The following HSPG2 variants were observed in gnomAD, a reference collection of about 807,000 sequenced individuals.
The protein encoded by HSPG2 is basement membrane-specific heparan sulfate proteoglycan core protein.
Under a neutral mutation model 526.6 loss-of-function variants are expected in HSPG2, and 278 were observed. The ratio of observed to expected loss-of-function variants is 0.53; its 90% confidence interval spans 0.48 to 0.58. The LOEUF (loss-of-function observed/expected upper bound fraction) is 0.58, where lower values mean the gene tolerates loss of function less well. HSPG2 is among the 20% of genes least tolerant of loss of function. HSPG2 has a pLI of 0.00. For missense variants in HSPG2, 5,354 were observed against 6,099.5 expected (o/e 0.88, Z 4.07); for synonymous variants, 2,465 against 2,555.4 (o/e 0.96, Z 1.07).
chr1:21,933,880 C>G (rs1644412735), intron 1 of HSPG2, among the ~76,000 whole-genome samples: 1 of 152,200 alleles, frequency 6.6e-6, no homozygotes, highest in Admixed American at 6.5e-5. Flanking sequence ...TGAGGGACCG[C>G]CAGGAAGGGG....
In HSPG2 at chr1:21,855,806, C is replaced by A. The variant is rs556960916; in HGVS notation, c.5682G>T (p.Thr1894=). 6.2e-7 allele frequency: 1 copy of A among 1,613,204 alleles called. No individual in the cohort carries two copies. Among genetic ancestry groups the A allele is most frequent in the East Asian group, 2.2e-5 (1 of 44,860 alleles). ...CCTCACCTGTCCACTCGAGGGTGGGCGTGGGGCTCCCTGTGGCGCTGCAGC... is the reference window on the plus strand; with the variant it reads ...CCTCACCTGTCCACTCGAGGGTGGGAGTGGGGCTCCCTGTGGCGCTGCAGC... ...EFRCSATGSP[T]PTLEWTGGPG... The change falls in exon 45 of 97, where the codon ACG becomes ACT. Residue 1894 remains threonine, a synonymous_variant. Coordinates refer to ENST00000374695, the MANE Select transcript of HSPG2 (RefSeq NM_005529.7).
In HSPG2 at chr1:21,847,932, G is replaced by A; in HGVS notation, c.7873+26C>T. The stretch of plus-strand genomic sequence containing the variant: ...CTGCCACCCTCTGCGCCACTTGTCT[G>A]TACCCCCTGCCCTCTCTGCTCTCAC... On this transcript the variant is annotated intron_variant, in intron 60 of 96. Coordinates refer to ENST00000374695, the MANE Select transcript of HSPG2 (RefSeq NM_005529.7). This position sits in a 1 kb window ranked among gnomAD's most constrained non-coding sequence, Gnocchi z 4.1. 6.2e-7 allele frequency: 1 copy of A among 1,613,834 alleles called. No individual in the cohort carries two copies. Among genetic ancestry groups the A allele is most frequent in the Non-Finnish European group, 8.5e-7 (1 of 1,180,002 alleles).
chr1:21,912,279 C>T (rs146530925), intron 1 of HSPG2, among the ~76,000 whole-genome samples: 6 of 152,172 alleles, frequency 3.9e-5, no homozygotes, highest in East Asian at 1.9e-4. Flanking sequence ...ACAAGGCTGC[C>T]GTCAGAATTC....
chr1:21,881,519 G>A lies in HSPG2; in HGVS notation c.1655-17C>T. On this transcript the variant is annotated splice_polypyrimidine_tract_variant and intron_variant, in intron 13 of 96. Coordinates refer to ENST00000374695, the MANE Select transcript of HSPG2 (RefSeq NM_005529.7). ...CATTCACACCTGTGGGTGGCAAGGG[G>A]GAGGCTGAGGGCTGCAGCCTGGGCC... 6.2e-7 allele frequency: 1 copy of A among 1,606,574 alleles called. No individual in the cohort carries two copies. The highest frequency in any genetic ancestry group is 8.5e-7 in the Non-Finnish European group (1 of 1,176,218).
At position 21,829,455 on chromosome 1, in the gene HSPG2, C is replaced by G; in HGVS notation, c.11920G>C (p.Gly3974Arg). 1.2e-6 allele frequency: 2 copies of G among 1,613,364 alleles called. No homozygotes were observed. Among genetic ancestry groups the G allele is most frequent in the Non-Finnish European group, 1.7e-6 (2 of 1,179,842 alleles). Reference protein sequence around the residue: ...GVLLFSGGKSGPVEDFVSLAM... With the variant: ...GVLLFSGGKSRPVEDFVSLAM... ...AGGGACACGAAGTCCTCCACAGGCC[C>G]GCTCTTCCCCCCGCTGAACAGCAGG... The change falls in exon 87 of 97, where the codon GGG becomes CGG. Residue 3974 changes from glycine to arginine, a missense_variant. Physicochemically the swap from Gly to Arg is moderately radical, Grantham distance 125. Coordinates refer to ENST00000374695, the MANE Select transcript of HSPG2 (RefSeq NM_005529.7).
Position 21,855,567 on chromosome 1 carries a change from C to T in HSPG2, c.5810G>A (p.Ser1937Asn). ...CCTGGCCACCTGCTGCCCAGCGCTGCTGTGGGCTCGGCACAAGTACTGGGC... is the reference window on the plus strand; with the variant it reads ...CCTGGCCACCTGCTGCCCAGCGCTGTTGTGGGCTCGGCACAAGTACTGGGC... ...DQAQYLCRAHSSAGQQVARAV... is the reference protein window; with the variant it reads ...DQAQYLCRAHNSAGQQVARAV... Residue 1937 changes from serine to asparagine, a missense_variant, in exon 46 of 97, where the codon AGC (serine) becomes AAC (asparagine). By Grantham distance (46) the Ser-to-Asn change is conservative. Transcript: ENST00000374695. 6.2e-7 allele frequency: 1 copy of T among 1,600,116 alleles called. No individual in the cohort carries two copies. The highest frequency in any genetic ancestry group is 8.5e-7 in the Non-Finnish European group (1 of 1,174,924).
Position 21,878,764 on chromosome 1 carries a change from C to G in HSPG2, c.2472-101G>C, listed in dbSNP as rs571507828. The G allele has an allele frequency of 4.0e-6, 5 of 1,261,712 alleles. No homozygotes were observed. The African/African-American group carries it at 5.9e-5, about 15-fold the overall frequency. The allele number at this position is 1,261,712 out of a possible 1,614,324, so 78.2% of individuals were successfully genotyped here. On this transcript the variant is annotated intron_variant, in intron 18 of 96. Transcript: ENST00000374695. ...CTGTCTACACAGACACAGTGTGCCACGAGGCATGACGCCATCTCCCTGCCC... is the reference window on the plus strand; with the variant it reads ...CTGTCTACACAGACACAGTGTGCCAGGAGGCATGACGCCATCTCCCTGCCC...
chr1:21,884,837 A>G lies in HSPG2; in HGVS notation c.1437T>C (p.Cys479=). The change falls in exon 12 of 97, where the codon TGT becomes TGC. Residue 479 remains cysteine, a synonymous_variant. Transcript: ENST00000374695. The stretch of plus-strand genomic sequence containing the variant: ...CCATGCCCCGGGCGTTCATGGCCTC[A>G]CAGGTGTAGGCACCCTGGTCTGACT... ...VKESDQGAYT[C]EAMNARGMVF... The G allele has an allele frequency of 1.2e-6, 2 of 1,613,856 alleles. No individual in the cohort carries two copies. The highest frequency in any genetic ancestry group is 1.7e-6 in the Non-Finnish European group (2 of 1,180,014).
chr1:21,873,809 G>C (rs780534507), intron 29 of HSPG2, 116 bp downstream of exon 29: 14 of 855,664 alleles, frequency 1.6e-5, no homozygotes, highest in Non-Finnish European at 2.4e-5. Context: ...GCCTGTGCGA[G>C]GTTAAGAGCG....
chr1:21,893,464 A>G lies in HSPG2; in HGVS notation c.244+2458T>C, dbSNP rs1007153311. Among the ~76,000 whole-genome samples, 2 of 152,190 alleles carry G rather than the reference A, an allele frequency of 1.3e-5. No homozygotes were observed. Among genetic ancestry groups the G allele is most frequent in the Non-Finnish European group, 2.9e-5 (2 of 68,028 alleles). ...CTGAGCCTCTTGTGTGACTCGCAGC[A>G]AAGTGCAGGTTGGGGAGGAAGAGAA... On this transcript the variant is annotated intron_variant, in intron 3 of 96. Transcript: ENST00000374695. This position sits in a 1 kb window ranked among gnomAD's most constrained non-coding sequence, Gnocchi z 4.3.
rs1157390137 is a variant in HSPG2 at position 21,823,211 on chromosome 1, A to G, written c.*105T>C. On this transcript the variant is annotated 3_prime_UTR_variant, in exon 97 of 97. Coordinates refer to ENST00000374695, the MANE Select transcript of HSPG2 (RefSeq NM_005529.7). Reference sequence around the variant, plus strand: ...CAGGGCGGTAGCAGCAAAGCGTGGCATCGCCTCGGTTTCTTACAAAAATTC... The same window carrying G: ...CAGGGCGGTAGCAGCAAAGCGTGGCGTCGCCTCGGTTTCTTACAAAAATTC... The G allele has an allele frequency of 1.8e-6, 2 of 1,123,776 alleles. No individual in the cohort carries two copies. The highest frequency in any genetic ancestry group is 2.4e-6 in the Non-Finnish European group (2 of 836,766). The allele number at this position is 1,123,776 out of a possible 1,614,324, so 69.6% of individuals were successfully genotyped here. A position where few individuals can be genotyped will look rare whatever the true frequency, so the allele number is the denominator to read the frequency against.
At position 21,880,378 on chromosome 1, in the gene HSPG2, C is replaced by A; in HGVS notation, c.2180G>T (p.Ser727Ile). The A allele has an allele frequency of 6.2e-7, 1 of 1,614,138 alleles. No individual in the cohort carries two copies. The highest frequency in any genetic ancestry group is 8.5e-7 in the Non-Finnish European group (1 of 1,180,032). The change falls in exon 16 of 97, where the codon AGT (serine) becomes ATT (isoleucine). Residue 727 changes from serine (S) to isoleucine (I), a missense_variant. Ser to Ile is a moderately radical substitution (Grantham distance 142). Transcript: ENST00000374695. Reference sequence around the variant, plus strand: ...GCTCAGGCACCTGCACTCCTCCACACTGTGGGCACGGCCATGGCTGGTGGC... The same window carrying A: ...GCTCAGGCACCTGCACTCCTCCACAATGTGGGCACGGCCATGGCTGGTGGC... ...THATSHGRAHSVEECRCPIGY... is the reference protein window; with the variant it reads ...THATSHGRAHIVEECRCPIGY...
At chr1:21,881,606 T>C (rs1641514904) in intron 13 of HSPG2, 104 bp from the exon 14 acceptor site, 3 of 1,126,524 alleles carry the variant, frequency 2.7e-6, no homozygotes, top group Non-Finnish European at 2.6e-6. Context: ...CTAGTGGAAA[T>C]TTGATTTCGA....
In HSPG2 at chr1:21,858,829, C is replaced by A. The variant is rs945232551; in HGVS notation, c.5293+737G>T. Among the ~76,000 whole-genome samples the A allele has an allele frequency of 6.6e-6, 1 of 152,176 alleles. No homozygotes were observed. The highest frequency in any genetic ancestry group is 1.5e-5 in the Non-Finnish European group (1 of 68,026). On this transcript the variant is annotated intron_variant, in intron 42 of 96. Transcript: ENST00000374695. The surrounding 1 kb of genome is among the most constrained non-coding windows in gnomAD (Gnocchi z 4.2). ...AGAATAGGTCTCAGTCAATGACTGA[C>A]AGAAGCTGGCCTAGACATACTGCAG...
chr1:21,834,588 G>T (rs1196177495), intron 77 of HSPG2, 91 bp downstream of exon 77: 14 of 1,463,952 alleles, frequency 9.6e-6, no homozygotes, highest in African/African-American at 1.4e-5. Context: ...TGAACAGAAA[G>T]GAAGAGCAGA....
At chr1:21,894,854 C>G (rs1355012577) in intron 3 of HSPG2, among the ~76,000 whole-genome samples, 3 of 152,194 alleles carry the variant, frequency 2.0e-5, no homozygotes, top group African/African-American at 7.2e-5. Context: ...CCAAGCCCCA[C>G]CCAGCTCCCA....
At chr1:21,832,666 C>T (rs111818594) in intron 80 of HSPG2, 60 bp from the exon 81 acceptor site, 107 of 1,343,484 alleles carry the variant, frequency 8.0e-5, no homozygotes, top group Non-Finnish European at 1.0e-4. Context: ...TGTCCTCCCC[C>T]ACCCTAGAAA....
intron 55 of HSPG2, 83 bp from the exon 56 acceptor site, chr1:21,850,581 C>T (rs1572221233): frequency 1.4e-6 from 2 of 1,432,514 alleles, no homozygotes; most frequent in East Asian, 2.5e-5. Flanking sequence ...ACTCTGACCC[C>T]CAAGGCCTGG....
At position 21,890,340 on chromosome 1, in the gene HSPG2, G is replaced by C. The variant is rs183830147; in HGVS notation, c.413+87C>G. On this transcript the variant is annotated intron_variant, in intron 5 of 96. Transcript: ENST00000374695. This position sits in a 1 kb window ranked among gnomAD's most constrained non-coding sequence, Gnocchi z 4.1. ...CGACTCATCCCATAGGCCTTTCCGC[G>C]GTGCCAGGCTTCCTTCCCATCCTCA... 1.4e-6 allele frequency: 2 copies of C among 1,402,616 alleles called. No individual in the cohort carries two copies. The highest frequency in any genetic ancestry group is 1.8e-4 in the Middle Eastern group (1 of 5,502). 86.9% of individuals were successfully genotyped at this position (1,402,616 alleles called of 1,614,324 possible).
Sources: gnomAD v4.1 joint callset for allele counts (sites outside exome capture counted in the v4.1 genomes callset) on GRCh38, gnomAD v4.1.1 for gene constraint, Gnocchi (gnomAD v3.1) non-coding constraint, MANE v1.5 for transcripts, NCBI Gene and HGNC (gene_info 2026-07-23, HGNC 2026-07-21) for gene names.